Variants in PARD3 observed in about 807,000 individuals in gnomAD.
The protein encoded by PARD3 is partitioning defective 3 homolog.
Under a neutral mutation model 155.4 loss-of-function variants are expected in PARD3, and 75 were observed. That is an observed-to-expected ratio of 0.48 (90% CI 0.40 to 0.58). PARD3 has a LOEUF of 0.58. Ranked by LOEUF, PARD3 falls within the 20% of genes least tolerant of loss-of-function variation. PARD3 has a pLI of 0.00. For synonymous variants in PARD3, 576 were observed against 610.5 expected, an observed-to-expected ratio of 0.94 and a Z score of 0.83; for missense variants, 1,642 against 1,721.7, an observed-to-expected ratio of 0.95 and a Z score of 0.82.
intron 1 of PARD3, among the ~76,000 whole-genome samples, chr10:34,757,700 AAAAAGAAAAG>A (rs1169156432): frequency 2.0e-5 from 3 of 152,078 alleles, no homozygotes; most frequent in Non-Finnish European, 4.4e-5. Flanking sequence ...CAAGAAAAAA[AAAAAGAAAAG>A]AAAAGAAAAA....
chr10:34,111,340 C>T lies in PARD3; in HGVS notation c.3891G>A (p.Lys1297=). 1 of 1,613,974 alleles carries T rather than the reference C, an allele frequency of 6.2e-7. No homozygotes were observed. Residue 1297 remains lysine, a synonymous_variant, in exon 25 of 25, where the codon AAG becomes AAA. Coordinates refer to ENST00000374788, the MANE Select transcript of PARD3 (RefSeq NM_001184785.2). ...EQRRKEQQMK[K]QPPSEGPSNY... ...TGCTGGGCCCCTCGGAAGGAGGCTGCTTCTTCATCTGCTGCTCCTTCCGCC... is the reference window on the plus strand; with the variant it reads ...TGCTGGGCCCCTCGGAAGGAGGCTGTTTCTTCATCTGCTGCTCCTTCCGCC...
At chr10:34,445,060 ATTTTT>A (rs879519675) in intron 5 of PARD3, among the ~76,000 whole-genome samples, 2 of 148,588 alleles carry the variant, frequency 1.3e-5, no homozygotes, top group African/African-American at 4.9e-5. Context: ...AAGGCAGAGG[ATTTTT>A]TTTTTTAAGC....
rs1466878691 is a variant in PARD3, at chr10:34,378,083, T to C, written c.1423A>G (p.Ile475Val). The C allele has an allele frequency of 5.6e-6, 9 of 1,593,402 alleles. No individual in the cohort carries two copies. Among genetic ancestry groups the C allele is most frequent in the African/African-American group, 4.1e-5 (3 of 73,208 alleles). The change falls in exon 10 of 25, where the codon ATC (isoleucine) becomes GTC (valine). Residue 475 changes from isoleucine to valine, a missense_variant. By Grantham distance (29) the Ile-to-Val change is conservative. Around this residue, in one of 3 missense-constraint regions of PARD3, gnomAD observed 1,529 missense variants for 1,587.3 expected, o/e 0.96. Coordinates refer to ENST00000374788, the MANE Select transcript of PARD3 (RefSeq NM_001184785.2). ...KKGTEGLGFS[I>V]TSRDVTIGGS... ...CCTATTGTTACATCTCTGGAAGTGATGCTGAATCCCAAACCTTCTGTACCT... is the reference window on the plus strand; with the variant it reads ...CCTATTGTTACATCTCTGGAAGTGACGCTGAATCCCAAACCTTCTGTACCT...
intron 18 of PARD3, among the ~76,000 whole-genome samples, chr10:34,334,732 A>C (rs1835974501): frequency 7.9e-6 from 1 of 126,576 alleles, no homozygotes; most frequent in Non-Finnish European, 1.7e-5. Flanking sequence ...GACTGCACAA[A>C]GTGCAAAAAA....
intron 17 of PARD3, among the ~76,000 whole-genome samples, chr10:34,337,030 T>C (rs1049482820): frequency 2.0e-5 from 3 of 152,324 alleles, no homozygotes; most frequent in African/African-American, 7.2e-5. Context: ...GATATGCATA[T>C]GTGTTTGTTT....
At chr10:34,220,038 C>T (rs992173137) in intron 22 of PARD3, among the ~76,000 whole-genome samples, 1 of 152,094 alleles carries the variant, frequency 6.6e-6, no homozygotes, top group Non-Finnish European at 1.5e-5. Flanking sequence ...TGATTCACTG[C>T]AGTAGCTTGC....
chr10:34,477,705 T>C (rs1056979598), intron 3 of PARD3, among the ~76,000 whole-genome samples: 1 of 152,234 alleles, frequency 6.6e-6, no homozygotes, highest in African/African-American at 2.4e-5. Flanking sequence ...AAGTCGTTTT[T>C]CAACTATTTA....
intron 22 of PARD3, among the ~76,000 whole-genome samples, chr10:34,240,864 T>C (rs1419595193): frequency 2.0e-5 from 3 of 151,968 alleles, no homozygotes; most frequent in East Asian, 1.9e-4. Flanking sequence ...AGACAGAAAC[T>C]GCCTGAGCGT....
chr10:34,453,731 C>T (rs1162844772), intron 4 of PARD3, among the ~76,000 whole-genome samples: 1 of 152,166 alleles, frequency 6.6e-6, no homozygotes, highest in African/African-American at 2.4e-5. Flanking sequence ...ATGTCTGTGG[C>T]AAATGTGATT....
chr10:34,782,027 C>T (rs1840290819), intron 1 of PARD3, among the ~76,000 whole-genome samples: 1 of 152,160 alleles, frequency 6.6e-6, no homozygotes. Flanking sequence ...GACACAGCTG[C>T]AATGATTTTT....
chr10:34,468,635 T>C (rs554201740), intron 4 of PARD3, among the ~76,000 whole-genome samples: 1 of 152,266 alleles, frequency 6.6e-6, no homozygotes, highest in East Asian at 1.9e-4. Flanking sequence ...AACACATCTA[T>C]AAAAACAAAG....
intron 5 of PARD3, among the ~76,000 whole-genome samples, chr10:34,408,296 T>C (rs1844704490): frequency 1.3e-5 from 2 of 152,084 alleles, no homozygotes. Flanking sequence ...TTCATAACAG[T>C]AAATAAAATA....
At chr10:34,757,150 T>C (rs948251466) in intron 1 of PARD3, among the ~76,000 whole-genome samples, 1 of 152,202 alleles carries the variant, frequency 6.6e-6, no homozygotes, top group African/African-American at 2.4e-5. Flanking sequence ...GAGCCTTCAT[T>C]TATATTAGAA....
At chr10:34,194,474 A>G (rs1006473913) in intron 22 of PARD3, among the ~76,000 whole-genome samples, 2 of 152,170 alleles carry the variant, frequency 1.3e-5, no homozygotes, top group Non-Finnish European at 2.9e-5. Flanking sequence ...CAAAAAACAG[A>G]TGCTGCACTT....
At chr10:34,245,576 GAAACAAAACAAAACA>G (rs5784403) in intron 22 of PARD3, among the ~76,000 whole-genome samples, 32 of 148,272 alleles carry the variant, frequency 2.2e-4, no homozygotes, top group African/African-American at 5.0e-4. Flanking sequence ...ATACATCCCT[GAAACAAAACAAAACA>G]AAACAAAACA....
rs1671279423 is a variant in PARD3 at position 34,360,123 on chromosome 10, G to T, written c.1844C>A (p.Ala615Glu). The T allele has an allele frequency of 6.2e-7, 1 of 1,614,070 alleles. No individual in the cohort carries two copies. Among genetic ancestry groups the T allele is most frequent in the African/African-American group, 1.3e-5 (1 of 75,026 alleles). The change falls in exon 13 of 25, where the codon GCA becomes GAA. Residue 615 changes from alanine (A) to glutamate (E), a missense_variant. Ala to Glu is a moderately radical substitution (Grantham distance 107). This residue lies in a region of PARD3 where 1,529 missense variants were observed against 1,587.3 expected (regional missense o/e 0.96). Transcript: ENST00000374788. ...GGACTTGACAAAGATTCCCAAATCT[G>T]CGTGGTTCTCTTTTGACCGGTTACC... ...VKGNRSKENH[A>E]DLGIFVKSII...
At position 34,445,322 on chromosome 10, in the gene PARD3, G is replaced by C. The variant is rs1589602435; in HGVS notation, c.714+4995C>G. 4.6e-5 allele frequency among the ~76,000 whole-genome samples: 7 copies of C among 152,182 alleles called. No homozygotes were observed. In the South Asian group the frequency reaches 1.4e-3, roughly 32 times the overall value. On this transcript the variant is annotated intron_variant, in intron 5 of 24. Coordinates refer to ENST00000374788, the MANE Select transcript of PARD3 (RefSeq NM_001184785.2). ...ATAGTGCTTACTTCTGAAAAAATTT[G>C]AGAGGGAGTTTTGTTTTGTTTCTGT...
chr10:34,516,847 G>T, intron 3 of PARD3, 132 bp downstream of exon 3: 2 of 787,772 alleles, frequency 2.5e-6, no homozygotes, highest in Non-Finnish European at 2.0e-6. Flanking sequence ...AAGAACATTT[G>T]CCTGGGTCCT....
At chr10:34,577,126 T>C (rs886210236) in intron 2 of PARD3, among the ~76,000 whole-genome samples, 1 of 152,220 alleles carries the variant, frequency 6.6e-6, no homozygotes, top group Non-Finnish European at 1.5e-5. Context: ...GGTTCATTAC[T>C]GACTTCAGGC....
Sources: gnomAD v4.1 joint callset for allele counts (sites outside exome capture counted in the v4.1 genomes callset) on GRCh38, gnomAD v4.1.1 for gene constraint, gnomAD v4.1.1 regional missense constraint, MANE v1.5 for transcripts, NCBI Gene and HGNC (gene_info 2026-07-23, HGNC 2026-07-21) for gene names.